Variants in TRPM3 observed in about 807,000 individuals in gnomAD.
The protein encoded by TRPM3 is transient receptor potential cation channel subfamily M member 3.
In TRPM3, 77 loss-of-function variants were observed where a neutral mutation model predicts 181.2. The ratio of observed to expected loss-of-function variants is 0.42; its 90% CI spans 0.35 to 0.51. TRPM3 has a LOEUF of 0.51. Ranked by LOEUF, TRPM3 falls within the 20% of genes least tolerant of loss-of-function variation. The probability of loss-of-function intolerance (pLI) is 0.01; values close to 1 mark genes in which losing one functional copy is unlikely to be tolerated. For synonymous variants in TRPM3, 745 were observed against 796.4 expected, an observed-to-expected ratio of 0.94 and a Z score of 1.09; for missense variants, 1,759 against 2,196.7, an observed-to-expected ratio of 0.80 and a Z score of 3.98.
At chr9:70,915,756 G>A (rs945759887) in intron 1 of TRPM3, among the ~76,000 whole-genome samples, 2 of 151,300 alleles carry the variant, frequency 1.3e-5, no homozygotes, top group African/African-American at 4.8e-5. Flanking sequence ...TCCTCAAAAA[G>A]GCAAATCTAA....
At chr9:70,805,122 C>T (rs2090338775) in intron 6 of TRPM3, among the ~76,000 whole-genome samples, 1 of 149,772 alleles carries the variant, frequency 6.7e-6, no homozygotes, top group South Asian at 2.1e-4. Flanking sequence ...TCTATCTTAA[C>T]ATTCCAAGTA....
chr9:70,845,151 T>C (rs922217653), intron 4 of TRPM3, among the ~76,000 whole-genome samples: 7 of 152,182 alleles, frequency 4.6e-5, no homozygotes, highest in Non-Finnish European at 8.8e-5. Flanking sequence ...TGTTCACAAA[T>C]TCTAGGTATT....
intron 1 of TRPM3, among the ~76,000 whole-genome samples, chr9:70,941,172 T>C (rs1261403711): frequency 1.3e-5 from 2 of 152,174 alleles, no homozygotes; most frequent in African/African-American, 4.8e-5. Context: ...GTCAGTAGAC[T>C]GGGAGAGACA....
chr9:70,632,814 T>C (rs2066128246), intron 12 of TRPM3, among the ~76,000 whole-genome samples: 1 of 152,220 alleles, frequency 6.6e-6, no homozygotes, highest in Non-Finnish European at 1.5e-5. Flanking sequence ...CAGGTACATC[T>C]TTAGCTGAGA....
intron 1 of TRPM3, among the ~76,000 whole-genome samples, chr9:71,155,141 C>T (rs4745059): frequency 0.21 from 32,357 of 152,006 alleles, 4,083 homozygotes; most frequent in East Asian, 0.32. Context: ...TCTGTATTCT[C>T]TTCCCAATCA....
rs554782807 is a variant in TRPM3 at position 70,613,302 on chromosome 9, A to G, written c.2527-2553T>C. On this transcript the variant is annotated intron_variant, in intron 18 of 25. Coordinates refer to ENST00000677713, the MANE Select transcript of TRPM3 (RefSeq NM_001366145.2). ...ACTGCACAGCATGATTTGAGAATCT[A>G]TGCTGGCTAGACACAGATGTCAAGG... is the stretch of plus-strand genomic sequence containing the variant. Among the ~76,000 whole-genome samples the G allele has an allele frequency of 7.2e-5, 11 of 152,352 alleles. No homozygotes were observed. The South Asian group carries it at 2.1e-3, about 29-fold the overall frequency.
intron 5 of TRPM3, among the ~76,000 whole-genome samples, chr9:70,838,542 T>C (rs150952824): frequency 6.6e-6 from 1 of 152,126 alleles, no homozygotes; most frequent in Non-Finnish European, 1.5e-5. Context: ...CTAAGACAGC[T>C]GGGGAGGAAG....
At chr9:71,187,508 C>T (rs887349590) in intron 1 of TRPM3, among the ~76,000 whole-genome samples, 1 of 151,956 alleles carries the variant, frequency 6.6e-6, no homozygotes, top group Non-Finnish European at 1.5e-5. Flanking sequence ...CTTTTTCCCA[C>T]TGACTCCATC....
intron 1 of TRPM3, among the ~76,000 whole-genome samples, chr9:70,914,220 A>T (rs1176111929): frequency 6.6e-6 from 1 of 152,132 alleles, no homozygotes; most frequent in Non-Finnish European, 1.5e-5. Flanking sequence ...CTTTTCCACC[A>T]TGTGAGGACA....
intron 1 of TRPM3, among the ~76,000 whole-genome samples, chr9:70,931,260 G>C (rs562186202): frequency 2.0e-5 from 3 of 151,962 alleles, no homozygotes; most frequent in Non-Finnish European, 4.4e-5. Flanking sequence ...TGTATAATTC[G>C]AATTTAGAGA....
intron 6 of TRPM3, among the ~76,000 whole-genome samples, chr9:70,787,763 C>CTTTTTTTTTTTTTTTTTTTTTCTTTTTT (rs2084071076): frequency 7.3e-5 from 5 of 68,556 alleles, no homozygotes; most frequent in African/African-American, 1.8e-4. Flanking sequence ...TTTTTGGATT[C>CTTTTTTTTTTTTTTTTTTTTTCTTTTTT]TTTTTTTTTT....
chr9:70,820,378 T>C (rs1212592256), intron 6 of TRPM3, among the ~76,000 whole-genome samples: 1 of 152,080 alleles, frequency 6.6e-6, no homozygotes, highest in Non-Finnish European at 1.5e-5. Flanking sequence ...TATAGGACTT[T>C]TTTTGTTTGT....
intron 1 of TRPM3, among the ~76,000 whole-genome samples, chr9:71,066,861 T>C (rs1294286740): frequency 2.0e-5 from 3 of 152,332 alleles, no homozygotes; most frequent in East Asian, 3.9e-4. Context: ...CTCACTAGTG[T>C]CCACTCTTTG....
At chr9:70,753,974 G>C (rs955329880) in intron 8 of TRPM3, among the ~76,000 whole-genome samples, 2 of 152,146 alleles carry the variant, frequency 1.3e-5, no homozygotes, top group African/African-American at 4.8e-5. Flanking sequence ...ACCATGACTT[G>C]TTTAGGGCCA....
chr9:70,595,481 C>A (rs886924831), intron 21 of TRPM3, among the ~76,000 whole-genome samples: 1 of 152,182 alleles, frequency 6.6e-6, no homozygotes, highest in Non-Finnish European at 1.5e-5. Context: ...CTATGATACA[C>A]AGGACAGCTT....
intron 1 of TRPM3, among the ~76,000 whole-genome samples, chr9:70,936,529 G>C (rs2096830113): frequency 6.6e-6 from 1 of 152,168 alleles, no homozygotes; most frequent in Non-Finnish European, 1.5e-5. Context: ...GATTTATTAG[G>C]AGACCACCAA....
chr9:70,902,466 G>A (rs1272784190), intron 1 of TRPM3, among the ~76,000 whole-genome samples: 2 of 152,208 alleles, frequency 1.3e-5, no homozygotes, highest in Non-Finnish European at 2.9e-5. Context: ...TTCATCTGGG[G>A]AGGACAAAGG....
intron 6 of TRPM3, among the ~76,000 whole-genome samples, chr9:70,817,057 C>G (rs926955285): frequency 6.6e-6 from 1 of 152,170 alleles, no homozygotes; most frequent in East Asian, 1.9e-4. Context: ...TAAATTTTAT[C>G]TCATGTGCCA....
chr9:70,755,408 T>C (rs905084906), intron 8 of TRPM3, among the ~76,000 whole-genome samples: 4 of 151,910 alleles, frequency 2.6e-5, no homozygotes, highest in African/African-American at 9.7e-5. Context: ...TTCGCTCTTG[T>C]TGCCCAGGCT....
Sources: gnomAD v4.1 joint callset for allele counts (sites outside exome capture counted in the v4.1 genomes callset) on GRCh38, gnomAD v4.1.1 for gene constraint, MANE v1.5 for transcripts, NCBI Gene and HGNC (gene_info 2026-07-23, HGNC 2026-07-21) for gene names.